Variants in BLK observed in about 807,000 individuals in gnomAD.
BLK encodes tyrosine-protein kinase Blk.
In BLK, 64 loss-of-function variants were observed where a neutral mutation model predicts 61.8. The ratio of observed to expected loss-of-function variants is 1.03; its 90% CI spans 0.85 to 1.27. The LOEUF (loss-of-function observed/expected upper bound fraction) is 1.27, where lower values mean the gene tolerates loss of function less well. BLK is among the 50% of genes most tolerant of loss of function. The pLI, the probability that BLK is intolerant of heterozygous loss-of-function variation, is 0.00. For missense variants in BLK, 853 were observed against 660.5 expected (o/e 1.29, Z -3.19); for synonymous variants, 351 against 272.0 (o/e 1.29, Z -2.86).
intron 1 of BLK, among the ~76,000 whole-genome samples, chr8:11,532,800 G>A (rs533248555): frequency 5.3e-5 from 8 of 152,226 alleles, no homozygotes; most frequent in Non-Finnish European, 8.8e-5. Flanking sequence ...GGCACTATGA[G>A]TGCTGAATAT....
chr8:11,502,602 A>G (rs1798606305), intron 1 of BLK, among the ~76,000 whole-genome samples: 1 of 152,162 alleles, frequency 6.6e-6, no homozygotes, highest in Non-Finnish European at 1.5e-5. Flanking sequence ...TAGTTTTTAT[A>G]CCTTAATCTT....
At chr8:11,552,255 T>G (rs1018774265) in intron 6 of BLK, among the ~76,000 whole-genome samples, 1 of 152,182 alleles carries the variant, frequency 6.6e-6, no homozygotes, top group African/African-American at 2.4e-5. Flanking sequence ...GGGGACATCA[T>G]GAGGCCTTGG....
At chr8:11,551,618 C>T (rs573987899) in intron 6 of BLK, among the ~76,000 whole-genome samples, 54 of 152,296 alleles carry the variant, frequency 3.5e-4, no homozygotes, top group African/African-American at 1.2e-3. Flanking sequence ...ATGTTCATTG[C>T]TATACAGAAT....
intron 1 of BLK, among the ~76,000 whole-genome samples, chr8:11,506,453 TC>T (rs969702291): frequency 4.6e-5 from 7 of 152,208 alleles, no homozygotes; most frequent in African/African-American, 1.7e-4. Flanking sequence ...ATGAGGGCGT[TC>T]CTGGCCTCTG....
intron 6 of BLK, chr8:11,553,480 G>T: frequency 2.6e-6 from 1 of 392,054 alleles, no homozygotes. Flanking sequence ...CCTCAGAGCA[G>T]CCAGGCAAGT....
In BLK at chr8:11,522,824, A is replaced by G. The variant is rs183661928; in HGVS notation, c.-1-20400A>G. On this transcript the variant is annotated intron_variant, in intron 1 of 12. Transcript: ENST00000259089. Reference sequence around the variant, plus strand: ...TAAAACATACAGAGTAGCAATATATATTGTTTATAATTGCTTATACATGTC... The same window carrying G: ...TAAAACATACAGAGTAGCAATATATGTTGTTTATAATTGCTTATACATGTC... Among the ~76,000 whole-genome samples, 138 of 152,342 alleles carry G rather than the reference A, an allele frequency of 9.1e-4. 1 individual carries two copies. The highest frequency in any genetic ancestry group is 1.4e-3 in the Non-Finnish European group (98 of 68,028).
At chr8:11,545,893 G>T in intron 2 of BLK, 159 bp from the exon 3 acceptor site, 1 of 803,720 alleles carries the variant, frequency 1.2e-6, no homozygotes, top group Non-Finnish European at 2.2e-6. Context: ...CTGGTCCCTG[G>T]GTACAGAATG....
At chr8:11,513,197 T>G (rs574013212) in intron 1 of BLK, among the ~76,000 whole-genome samples, 2 of 152,284 alleles carry the variant, frequency 1.3e-5, no homozygotes, top group Admixed American at 6.5e-5. Flanking sequence ...CCAGGGCTTG[T>G]CCTCAATGCA....
At chr8:11,530,147 C>A (rs538116330) in intron 1 of BLK, among the ~76,000 whole-genome samples, 1 of 152,286 alleles carries the variant, frequency 6.6e-6, no homozygotes, top group South Asian at 2.1e-4. Flanking sequence ...CATATAGGCT[C>A]TTTTTTTCTA....
chr8:11,516,338 T>G (rs1216610048), intron 1 of BLK, among the ~76,000 whole-genome samples: 1 of 152,094 alleles, frequency 6.6e-6, no homozygotes, highest in Non-Finnish European at 1.5e-5. Flanking sequence ...CACCGCACAG[T>G]GGAGACTTCA....
Position 11,524,555 on chromosome 8 carries a change from T to A in BLK, c.-1-18669T>A, listed in dbSNP as rs148504352. On this transcript the variant is annotated intron_variant, in intron 1 of 12. Transcript: ENST00000259089. The stretch of plus-strand genomic sequence containing the variant: ...TGTACGAAATGTCTGAAGGACAATT[T>A]GCCAAAATATATCGGAAGACTTAGA... Among the ~76,000 whole-genome samples, 8 of 152,358 alleles carry A rather than the reference T, an allele frequency of 5.3e-5. No individual in the cohort carries two copies. The East Asian group carries it at 1.5e-3, about 29-fold the overall frequency.
intron 1 of BLK, among the ~76,000 whole-genome samples, chr8:11,531,601 T>G (rs528616775): frequency 2.0e-5 from 3 of 152,330 alleles, no homozygotes; most frequent in South Asian, 4.1e-4. Flanking sequence ...TATTCTTGAG[T>G]CTTCGGGTCT....
At chr8:11,503,934 AC>A (rs1798661338) in intron 1 of BLK, among the ~76,000 whole-genome samples, 1 of 151,238 alleles carries the variant, frequency 6.6e-6, no homozygotes, top group Non-Finnish European at 1.5e-5. Context: ...AATCAAAACT[AC>A]CCCCAGAGAG....
chr8:11,495,849 T>C (rs1349186274), intron 1 of BLK, among the ~76,000 whole-genome samples: 3 of 152,208 alleles, frequency 2.0e-5, no homozygotes, highest in African/African-American at 4.8e-5. Flanking sequence ...AAATGTACCA[T>C]GGTTACGTAA....
At position 11,564,034 on chromosome 8, in the gene BLK, A is replaced by G. The variant is rs1448315685; in HGVS notation, c.1444A>G (p.Thr482Ala). Residue 482 changes from threonine to alanine, a missense_variant, in exon 13 of 13, where the codon ACC becomes GCC. Coordinates refer to ENST00000259089, the MANE Select transcript of BLK (RefSeq NM_001715.3). ...CWRSRPEERP[T>A]FEFLQSVLED... is the part of the protein sequence containing the mutation. Reference sequence around the variant, plus strand: ...GCGCAGCCGGCCCGAGGAGCGGCCCACCTTCGAGTTCCTGCAGTCGGTGCT... The same window carrying G: ...GCGCAGCCGGCCCGAGGAGCGGCCCGCCTTCGAGTTCCTGCAGTCGGTGCT... The G allele has an allele frequency of 1.9e-6, 3 of 1,603,954 alleles. No homozygotes were observed. Among genetic ancestry groups the G allele is most frequent in the Non-Finnish European group, 1.7e-6 (2 of 1,178,646 alleles).
chr8:11,550,070 G>A, intron 5 of BLK, 89 bp from the exon 6 acceptor site: 1 of 1,165,482 alleles, frequency 8.6e-7, no homozygotes, highest in Non-Finnish European at 1.3e-6. Context: ...TTTATTTCTT[G>A]GGGACAGGCA....
At chr8:11,506,235 G>T (rs929938623) in intron 1 of BLK, among the ~76,000 whole-genome samples, 6 of 152,244 alleles carry the variant, frequency 3.9e-5, no homozygotes, top group Non-Finnish European at 8.8e-5. Flanking sequence ...GCTTGAAGCT[G>T]TTTTATGTCC....
chr8:11,539,439 T>C (rs1800275902), intron 1 of BLK, among the ~76,000 whole-genome samples: 1 of 152,204 alleles, frequency 6.6e-6, no homozygotes, highest in African/African-American at 2.4e-5. Context: ...GTTTTCTGTT[T>C]GGGATTTTTT....
At chr8:11,537,963 C>A (rs1221172666) in intron 1 of BLK, among the ~76,000 whole-genome samples, 1 of 152,122 alleles carries the variant, frequency 6.6e-6, no homozygotes, top group Non-Finnish European at 1.5e-5. Flanking sequence ...AATAAACAAA[C>A]AACTCCCCTT....
Sources: gnomAD v4.1 joint callset for allele counts (sites outside exome capture counted in the v4.1 genomes callset) on GRCh38, gnomAD v4.1.1 for gene constraint, MANE v1.5 for transcripts, NCBI Gene and HGNC (gene_info 2026-07-23, HGNC 2026-07-21) for gene names.